KALRN: variants seen among roughly 807,000 people sequenced by gnomAD.
KALRN encodes the protein kalirin.
In KALRN, 70 loss-of-function variants were observed where a neutral mutation model predicts 353.7. That is an observed-to-expected ratio of 0.20 (90% confidence interval 0.16 to 0.24). The LOEUF (loss-of-function observed/expected upper bound fraction) is 0.24. Among genes scored for constraint, KALRN ranks in the 10% least tolerant of loss-of-function variants. The probability of loss-of-function intolerance (pLI) is 1.00; values close to 1 mark genes in which losing one functional copy is unlikely to be tolerated. For synonymous variants in KALRN, 1,391 were observed against 1,434.8 expected (o/e 0.97, Z 0.69); for missense variants, 2,791 against 3,756.7 (o/e 0.74, Z 6.72).
intron 1 of KALRN, among the ~76,000 whole-genome samples, chr3:124,072,614 A>G (rs2060071586): frequency 6.6e-6 from 1 of 152,190 alleles, no homozygotes; most frequent in Admixed American, 6.5e-5. Context: ...TGAGGGTTAA[A>G]TTGGGTCCAT....
At chr3:124,071,886 T>C (rs934705604) in intron 1 of KALRN, among the ~76,000 whole-genome samples, 3 of 152,204 alleles carry the variant, frequency 2.0e-5, no homozygotes, top group African/African-American at 7.2e-5. Flanking sequence ...GTCACAACTA[T>C]ATAGGAAGGT....
chr3:124,101,922 GC>G (rs561041527), intron 1 of KALRN, among the ~76,000 whole-genome samples: 79 of 152,180 alleles, frequency 5.2e-4, no homozygotes, highest in African/African-American at 1.9e-3. Flanking sequence ...GCATATGTGT[GC>G]CCAGCATGAT....
chr3:124,442,142 A>G (rs1448345844), intron 19 of KALRN, 83 bp downstream of exon 19: 2 of 705,468 alleles, frequency 2.8e-6, no homozygotes, highest in South Asian at 2.9e-5. Flanking sequence ...TTTTCACACA[A>G]TCTCAAATTT....
At position 124,228,080 on chromosome 3, in the gene KALRN, A is replaced by G. The variant is rs1038145140; in HGVS notation, c.148+16A>G. The G allele has an allele frequency of 7.5e-6, 12 of 1,602,916 alleles. No individual in the cohort carries two copies. Among genetic ancestry groups the G allele is most frequent in the Non-Finnish European group, 1.0e-5 (12 of 1,170,254 alleles). On this transcript the variant is annotated intron_variant, in intron 2 of 59. Coordinates refer to ENST00000682506, the MANE Select transcript of KALRN (RefSeq NM_001388419.1). ...TTCGTGTCTGGTGAGTATTTGTGGGACTTTCTTTTGTAAAGGACCTAGAGA... is the reference window on the plus strand; with the variant it reads ...TTCGTGTCTGGTGAGTATTTGTGGGGCTTTCTTTTGTAAAGGACCTAGAGA...
rs574532085 is a variant in KALRN at position 124,058,671 on chromosome 3, C to T, written c.73+24858C>T. 3.3e-5 allele frequency among the ~76,000 whole-genome samples: 5 copies of T among 152,290 alleles called. No homozygotes were observed. In the East Asian group the frequency reaches 9.7e-4, roughly 29 times the overall value. On this transcript the variant is annotated intron_variant, in intron 1 of 59. Transcript: ENST00000682506. ...AGCCTTGACCTGCAATTGGATTTTT[C>T]TGGGAATTTCTTACTAGAATTGATC... is the stretch of plus-strand genomic sequence containing the variant.
chr3:124,540,592 A>T (rs1162590862), intron 33 of KALRN, among the ~76,000 whole-genome samples: 1 of 152,164 alleles, frequency 6.6e-6, no homozygotes, highest in African/African-American at 2.4e-5. Flanking sequence ...TTTTAGTCCA[A>T]CCCTTTTGTT....
At chr3:124,215,187 C>A (rs891671317) in intron 1 of KALRN, among the ~76,000 whole-genome samples, 1 of 152,190 alleles carries the variant, frequency 6.6e-6, no homozygotes, top group African/African-American at 2.4e-5. Flanking sequence ...ATCAGCTGGG[C>A]AGCTGGTCTT....
chr3:124,276,955 A>C (rs1348692448), intron 5 of KALRN, among the ~76,000 whole-genome samples: 1 of 152,132 alleles, frequency 6.6e-6, no homozygotes, highest in Non-Finnish European at 1.5e-5. Context: ...ACATGTGCGC[A>C]TGCACACACA....
At chr3:124,226,381 C>T (rs1046801197) in intron 1 of KALRN, among the ~76,000 whole-genome samples, 8 of 152,092 alleles carry the variant, frequency 5.3e-5, no homozygotes, top group East Asian at 1.9e-4. Context: ...CTTTGAAATT[C>T]GAGTATTCTT....
At chr3:124,304,316 A>G (rs1324610905) in intron 6 of KALRN, among the ~76,000 whole-genome samples, 1 of 152,190 alleles carries the variant, frequency 6.6e-6, no homozygotes. Context: ...AAAGAATCAC[A>G]TAGGGAGCTT....
intron 11 of KALRN, among the ~76,000 whole-genome samples, chr3:124,391,681 C>T (rs1560780123): frequency 1.3e-5 from 2 of 152,176 alleles, no homozygotes; most frequent in Non-Finnish European, 2.9e-5. Flanking sequence ...TTTAGTAGCA[C>T]CAACTTTTAT....
At chr3:124,310,289 T>G (rs1459042240) in intron 6 of KALRN, among the ~76,000 whole-genome samples, 1 of 152,154 alleles carries the variant, frequency 6.6e-6, no homozygotes, top group African/African-American at 2.4e-5. Context: ...AAAAAAAATC[T>G]CATGTTCATT....
At chr3:124,415,557 T>C (rs1033887629) in intron 14 of KALRN, among the ~76,000 whole-genome samples, 2 of 152,246 alleles carry the variant, frequency 1.3e-5, no homozygotes, top group African/African-American at 4.8e-5. Context: ...ATTGAAACAG[T>C]GCATACTCTT....
At chr3:124,707,229 G>A (rs1011403278) in intron 57 of KALRN, among the ~76,000 whole-genome samples, 2 of 152,138 alleles carry the variant, frequency 1.3e-5, no homozygotes, top group Non-Finnish European at 2.9e-5. Flanking sequence ...TGTAGTCCCA[G>A]CTACTTGGGA....
At chr3:124,231,934 T>C (rs1169722284) in intron 2 of KALRN, among the ~76,000 whole-genome samples, 1 of 152,192 alleles carries the variant, frequency 6.6e-6, no homozygotes, top group East Asian at 1.9e-4. Context: ...TCAGCCTCCT[T>C]GGTACGAAAG....
chr3:124,238,712 G>A (rs1175189754), intron 3 of KALRN, among the ~76,000 whole-genome samples: 2 of 152,108 alleles, frequency 1.3e-5, no homozygotes, highest in East Asian at 1.9e-4. Context: ...AGTCCCCTTC[G>A]ACTCCAGGTG....
At chr3:124,230,682 C>T (rs1373609) in intron 2 of KALRN, among the ~76,000 whole-genome samples, 62,117 of 151,772 alleles carry the variant, frequency 0.41, 13,759 homozygotes, top group Non-Finnish European at 0.51. Context: ...GCCGAACAGC[C>T]TGGGGTAAGC....
At chr3:124,375,989 T>TA (rs34594307) in intron 10 of KALRN, among the ~76,000 whole-genome samples, 10 of 151,936 alleles carry the variant, frequency 6.6e-5, no homozygotes. Flanking sequence ...AACTTTACTT[T>TA]AAAAAAAATG....
At chr3:124,565,703 G>A (rs565655571) in intron 34 of KALRN, among the ~76,000 whole-genome samples, 5 of 152,296 alleles carry the variant, frequency 3.3e-5, no homozygotes, top group African/African-American at 1.2e-4. Context: ...TCCTGACCTA[G>A]ACCTGGCCTC....
Sources: gnomAD v4.1 joint callset for allele counts (sites outside exome capture counted in the v4.1 genomes callset) on GRCh38, gnomAD v4.1.1 for gene constraint, MANE v1.5 for transcripts, NCBI Gene and HGNC (gene_info 2026-07-23, HGNC 2026-07-21) for gene names.